EXOC4: variants seen among roughly 807,000 people sequenced by gnomAD.
EXOC4 encodes SEC8-like 1.
In EXOC4, 71 loss-of-function variants were observed where a neutral mutation model predicts 107.2. The ratio of observed to expected loss-of-function variants is 0.66; its 90% confidence interval spans 0.55 to 0.81. The LOEUF (loss-of-function observed/expected upper bound fraction) is 0.81. Ranked by LOEUF, EXOC4 falls within the 30% of genes least tolerant of loss-of-function variation. EXOC4 has a pLI of 0.00. For missense variants in EXOC4, 1,108 were observed against 1,189.6 expected (o/e 0.93, Z 1.01); for synonymous variants, 456 against 441.2 (o/e 1.03, Z -0.42).
At chr7:133,702,608 G>A (rs1562915470) in intron 10 of EXOC4, among the ~76,000 whole-genome samples, 1 of 151,308 alleles carries the variant, frequency 6.6e-6, no homozygotes, top group East Asian at 2.0e-4. Context: ...TTACAGATGT[G>A]AGCCACTGCA....
chr7:133,625,799 T>C (rs1802439397), intron 9 of EXOC4, among the ~76,000 whole-genome samples: 1 of 152,120 alleles, frequency 6.6e-6, no homozygotes, highest in African/African-American at 2.4e-5. Context: ...CGACATTTTC[T>C]CTGGTGCCTA....
At chr7:133,807,233 AT>A (rs199672555) in intron 10 of EXOC4, among the ~76,000 whole-genome samples, 4,478 of 152,274 alleles carry the variant, frequency 0.029, 99 homozygotes, top group Non-Finnish European at 0.047. Flanking sequence ...TGTTACTGCC[AT>A]TTTTTCAGCT....
At chr7:134,021,722 G>C in intron 17 of EXOC4, among the ~76,000 whole-genome samples, 1 of 53,744 alleles carries the variant, frequency 1.9e-5, no homozygotes, top group East Asian at 4.2e-4. Context: ...AGTCAAACCA[G>C]AAAAAAAAAA....
rs964020162 is a variant in EXOC4, at chr7:133,453,731, G to C, written c.1183-21597G>C. Among the ~76,000 whole-genome samples the C allele has an allele frequency of 3.3e-5, 5 of 151,928 alleles. No individual in the cohort carries two copies. In the South Asian group the frequency reaches 1.0e-3, roughly 32 times the overall value. On this transcript the variant is annotated intron_variant, in intron 7 of 17. Transcript: ENST00000253861. ...GAGTATTCTTTTTACTAAAGTTATC[G>C]TCTCTTGGTTAATTACTTCTGTTTT...
Position 133,854,408 on chromosome 7 carries a change from G to GCACACACACA in EXOC4, c.1734+36897_1734+36906dup, listed in dbSNP as rs56849407. On this transcript the variant is annotated intron_variant, in intron 11 of 17. Transcript: ENST00000253861. ...TCAACTGGGCTCAGTTGTTGAAAGA[G>GCACACACACA]CACACACACACACACACACACACAC... Among the ~76,000 whole-genome samples, 609 of 139,552 alleles carry GCACACACACA rather than the reference G, an allele frequency of 4.4e-3. 4 individuals carry two copies. Among genetic ancestry groups the GCACACACACA allele is most frequent in the African/African-American group, 0.011 (398 of 37,244 alleles). The allele number at this position is 139,552 out of a possible 152,430, so 91.6% of individuals were successfully genotyped here.
At chr7:133,484,362 G>A (rs1418797212) in intron 9 of EXOC4, among the ~76,000 whole-genome samples, 1 of 152,066 alleles carries the variant, frequency 6.6e-6, no homozygotes, top group Admixed American at 6.6e-5. Flanking sequence ...GTGTGTCAGT[G>A]TTAATCATAG....
intron 11 of EXOC4, among the ~76,000 whole-genome samples, chr7:133,852,835 G>C (rs1585198471): frequency 6.6e-6 from 1 of 152,164 alleles, no homozygotes; most frequent in East Asian, 1.9e-4. Flanking sequence ...AGCAACATTT[G>C]CTGCCACTTA....
intron 7 of EXOC4, among the ~76,000 whole-genome samples, chr7:133,384,735 T>TAAA: frequency 7.3e-6 from 1 of 136,642 alleles, no homozygotes; most frequent in Non-Finnish European, 1.5e-5. Flanking sequence ...TAAGCGTATT[T>TAAA]AAAAAAAAAA....
intron 13 of EXOC4, among the ~76,000 whole-genome samples, chr7:133,924,729 C>T (rs185330358): frequency 3.7e-4 from 57 of 152,250 alleles, no homozygotes; most frequent in Middle Eastern, 3.4e-3. Context: ...CTCAAAGTAA[C>T]CACTATTCTC....
At chr7:133,983,903 T>G (rs1437634563) in intron 14 of EXOC4, among the ~76,000 whole-genome samples, 1 of 152,232 alleles carries the variant, frequency 6.6e-6, no homozygotes, top group East Asian at 1.9e-4. Flanking sequence ...CCTGTTTCTC[T>G]TTCATATCCG....
At chr7:133,277,289 G>A (rs1794018814) in intron 2 of EXOC4, among the ~76,000 whole-genome samples, 1 of 152,152 alleles carries the variant, frequency 6.6e-6, no homozygotes, top group African/African-American at 2.4e-5. Flanking sequence ...AGCTCAAGAG[G>A]GGTCAATGAA....
chr7:133,411,202 G>T (rs1429907898), intron 7 of EXOC4, among the ~76,000 whole-genome samples: 1 of 152,066 alleles, frequency 6.6e-6, no homozygotes, highest in East Asian at 1.9e-4. Flanking sequence ...GTATCAAAAG[G>T]AATTTAGCAA....
intron 7 of EXOC4, among the ~76,000 whole-genome samples, chr7:133,417,468 TA>T (rs1209687085): frequency 1.3e-5 from 2 of 152,106 alleles, no homozygotes; most frequent in East Asian, 3.9e-4. Flanking sequence ...ATTGATGGGG[TA>T]AAAAAATCTC....
chr7:134,073,213 A>C, the EXOC4 span, among the ~76,000 whole-genome samples: 3 of 43,208 alleles, frequency 6.9e-5, no homozygotes, highest in Non-Finnish European at 1.1e-4. Context: ...CTCAAAAAAA[A>C]AAAAAAAAAA....
At chr7:133,424,161 C>T (rs1373482939) in intron 7 of EXOC4, among the ~76,000 whole-genome samples, 1 of 152,184 alleles carries the variant, frequency 6.6e-6, no homozygotes, top group Non-Finnish European at 1.5e-5. Flanking sequence ...CAACAGCAAC[C>T]TGGTGGGGTC....
intron 9 of EXOC4, among the ~76,000 whole-genome samples, chr7:133,524,032 A>G (rs868849372): frequency 4.2e-4 from 63 of 148,540 alleles, no homozygotes; most frequent in Middle Eastern, 6.9e-3. Flanking sequence ...GACTTCCACA[A>G]TGGTTGAACT....
At chr7:133,411,170 A>G (rs1166378885) in intron 7 of EXOC4, among the ~76,000 whole-genome samples, 1 of 152,206 alleles carries the variant, frequency 6.6e-6, no homozygotes, top group African/African-American at 2.4e-5. Flanking sequence ...ATGGTCAGCC[A>G]TCTTAAAAGT....
At chr7:134,021,330 G>A (rs1041065543) in intron 17 of EXOC4, among the ~76,000 whole-genome samples, 9 of 152,176 alleles carry the variant, frequency 5.9e-5, no homozygotes, top group Admixed American at 2.0e-4. Context: ...AGTCAAGATC[G>A]TGCTTAAAGC....
intron 9 of EXOC4, among the ~76,000 whole-genome samples, chr7:133,543,168 AT>A (rs929755067): frequency 2.1e-4 from 32 of 149,936 alleles, no homozygotes; most frequent in Admixed American, 6.0e-4. Context: ...GGTAATGAGA[AT>A]TTTTTTTTTG....
Sources: gnomAD v4.1 joint callset for allele counts (sites outside exome capture counted in the v4.1 genomes callset) on GRCh38, gnomAD v4.1.1 for gene constraint, MANE v1.5 for transcripts, NCBI Gene and HGNC (gene_info 2026-07-23, HGNC 2026-07-21) for gene names.